Variants in LRP1B observed in about 807,000 individuals in gnomAD.
The protein encoded by LRP1B is low-density lipoprotein receptor-related protein 1B.
In LRP1B, 217 loss-of-function variants were observed where a neutral mutation model predicts 556.6. The ratio of observed to expected loss-of-function variants is 0.39; its 90% CI spans 0.35 to 0.44. LRP1B has a LOEUF of 0.44. Ranked by LOEUF, LRP1B falls within the 20% of genes least tolerant of loss-of-function variation. LRP1B has a pLI of 1.00. For synonymous variants in LRP1B, 2,047 were observed against 1,865.8 expected (o/e 1.10, Z -2.50); for missense variants, 5,053 against 5,620.8 (o/e 0.90, Z 3.23).
chr2:141,287,102 CTTAG>C (rs1392618020), intron 3 of LRP1B, among the ~76,000 whole-genome samples: 1 of 152,098 alleles, frequency 6.6e-6, no homozygotes, highest in Non-Finnish European at 1.5e-5. Flanking sequence ...TCTTCATTAA[CTTAG>C]TTAGGAGTTT....
At chr2:140,691,626 G>A (rs1455011978) in intron 41 of LRP1B, among the ~76,000 whole-genome samples, 1 of 152,062 alleles carries the variant, frequency 6.6e-6, no homozygotes, top group Non-Finnish European at 1.5e-5. Flanking sequence ...TTTGTTGACA[G>A]TATCAAGCTG....
At chr2:140,264,804 TATTTACTATATCTA>T (rs1263717697) in intron 86 of LRP1B, among the ~76,000 whole-genome samples, 1 of 151,896 alleles carries the variant, frequency 6.6e-6, no homozygotes, top group Non-Finnish European at 1.5e-5. Context: ...ATTCAATCAA[TATTTACTATATCTA>T]TGTGCCACAC....
intron 2 of LRP1B, among the ~76,000 whole-genome samples, chr2:141,690,396 AATATATATATATATATATATATAT>A (rs762453747): frequency 3.7e-5 from 1 of 26,936 alleles, no homozygotes; most frequent in African/African-American, 1.2e-4. Context: ...TACATCTATA[AATATATATATATATATATATATAT>A]ATATATATAT....
intron 53 of LRP1B, among the ~76,000 whole-genome samples, chr2:140,505,727 C>T (rs1473508119): frequency 1.3e-5 from 2 of 152,150 alleles, no homozygotes; most frequent in African/African-American, 4.8e-5. Context: ...CTGATATCCA[C>T]TAATTTCAGT....
chr2:142,066,417 AG>A (rs1479785161), intron 1 of LRP1B, among the ~76,000 whole-genome samples: 1 of 151,528 alleles, frequency 6.6e-6, no homozygotes, highest in African/African-American at 2.4e-5. Flanking sequence ...ATCGCTTATA[AG>A]TTCTGCTCTC....
chr2:140,516,843 A>G (rs1447147551), intron 50 of LRP1B, 46 bp downstream of exon 50: 1 of 1,578,268 alleles, frequency 6.3e-7, no homozygotes. Context: ...CTAACATATA[A>G]GTAATAGTAA....
At chr2:140,847,620 AGC>A (rs1692312385) in intron 29 of LRP1B, among the ~76,000 whole-genome samples, 1 of 152,124 alleles carries the variant, frequency 6.6e-6, no homozygotes, top group Admixed American at 6.5e-5. Flanking sequence ...CACAAAAATT[AGC>A]CAGGCATGGT....
chr2:140,481,332 T>A lies in LRP1B; in HGVS notation c.9425+4011A>T, dbSNP rs76226606. On this transcript the variant is annotated intron_variant, in intron 59 of 90. Coordinates refer to ENST00000389484, the MANE Select transcript of LRP1B (RefSeq NM_018557.3). ...TACTGGAAACTCTGACATGATGTAA[T>A]AGGAAAAATCTGGGACCAAAGCCTG... Among the ~76,000 whole-genome samples, 752 of 152,188 alleles carry A rather than the reference T, an allele frequency of 4.9e-3. 8 individuals are homozygous for A. The highest frequency in any genetic ancestry group is 0.015 in the African/African-American group (643 of 41,540).
At chr2:141,539,249 G>A (rs1449360549) in intron 2 of LRP1B, among the ~76,000 whole-genome samples, 4 of 152,004 alleles carry the variant, frequency 2.6e-5, no homozygotes, top group Non-Finnish European at 5.9e-5. Flanking sequence ...CAGTGGTGCC[G>A]GCTGTTTTTC....
At chr2:141,331,261 A>G (rs944143963) in intron 3 of LRP1B, among the ~76,000 whole-genome samples, 1 of 152,184 alleles carries the variant, frequency 6.6e-6, no homozygotes, top group African/African-American at 2.4e-5. Context: ...CTGACTCATC[A>G]CACTTCCTTA....
intron 1 of LRP1B, among the ~76,000 whole-genome samples, chr2:141,923,849 T>A (rs565823680): frequency 6.6e-6 from 1 of 152,084 alleles, no homozygotes; most frequent in African/African-American, 2.4e-5. Flanking sequence ...ATAACCAACT[T>A]AGGAAAAGAA....
chr2:140,442,358 T>C, intron 66 of LRP1B, 146 bp downstream of exon 66: 1 of 1,035,334 alleles, frequency 9.7e-7, no homozygotes, highest in Non-Finnish European at 1.3e-6. Context: ...TAACCTAAGT[T>C]TTTATGAATC....
intron 63 of LRP1B, among the ~76,000 whole-genome samples, chr2:140,447,181 A>G (rs1474497076): frequency 2.0e-5 from 3 of 151,926 alleles, no homozygotes; most frequent in Non-Finnish European, 4.4e-5. Flanking sequence ...AATGATGTGA[A>G]GAAAAGAAAA....
chr2:141,056,200 AAG>A (rs1699174841), intron 9 of LRP1B, among the ~76,000 whole-genome samples: 2 of 151,812 alleles, frequency 1.3e-5, no homozygotes, highest in Non-Finnish European at 2.9e-5. Flanking sequence ...TTTTCCTGCC[AAG>A]AGTGTTATTG....
chr2:141,202,167 G>T (rs2105228165), intron 6 of LRP1B, among the ~76,000 whole-genome samples: 2 of 150,038 alleles, frequency 1.3e-5, no homozygotes, highest in South Asian at 4.3e-4. Context: ...ATGCGTCCAT[G>T]TGTTATCATT....
chr2:141,609,793 T>C (rs1688040527), intron 2 of LRP1B, among the ~76,000 whole-genome samples: 1 of 152,188 alleles, frequency 6.6e-6, no homozygotes, highest in African/African-American at 2.4e-5. Context: ...CCCTAACATG[T>C]CCTCTACCTA....
chr2:140,791,935 C>T (rs765322062), intron 32 of LRP1B, among the ~76,000 whole-genome samples: 12 of 152,128 alleles, frequency 7.9e-5, no homozygotes, highest in Admixed American at 2.6e-4. Context: ...GAAAGTAGGG[C>T]GTAAATTTCC....
chr2:141,047,833 T>G (rs1206882635), intron 11 of LRP1B, among the ~76,000 whole-genome samples: 1 of 152,100 alleles, frequency 6.6e-6, no homozygotes, highest in Non-Finnish European at 1.5e-5. Context: ...TGCAGAAACA[T>G]CCTCCTCTCC....
intron 66 of LRP1B, among the ~76,000 whole-genome samples, chr2:140,412,556 T>A (rs1360612613): frequency 6.6e-6 from 1 of 152,048 alleles, no homozygotes; most frequent in African/African-American, 2.4e-5. Flanking sequence ...GAGAATAGAT[T>A]GTATTCAGGA....
Sources: gnomAD v4.1 joint callset for allele counts (sites outside exome capture counted in the v4.1 genomes callset) on GRCh38, gnomAD v4.1.1 for gene constraint, MANE v1.5 for transcripts, NCBI Gene and HGNC (gene_info 2026-07-23, HGNC 2026-07-21) for gene names.